The following ZRANB3 variants were observed in gnomAD, a reference collection of about 807,000 sequenced individuals.
ZRANB3 encodes DNA annealing helicase and endonuclease ZRANB3.
In ZRANB3, 125 loss-of-function variants were observed where a neutral mutation model predicts 133.8. That is an observed-to-expected ratio of 0.93 (90% confidence interval 0.81 to 1.08). The LOEUF (loss-of-function observed/expected upper bound fraction) is 1.08, where lower values mean the gene tolerates loss of function less well. Among genes scored for constraint, ZRANB3 ranks in the 50% least tolerant of loss-of-function variants. ZRANB3 has a pLI of 0.00. For missense variants in ZRANB3, 1,229 were observed against 1,275.5 expected, an observed-to-expected ratio of 0.96 and a Z score of 0.56; for synonymous variants, 387 against 432.7, an observed-to-expected ratio of 0.89 and a Z score of 1.31.
intron 8 of ZRANB3, among the ~76,000 whole-genome samples, chr2:135,295,837 A>T (rs1283257482): frequency 6.6e-6 from 1 of 152,128 alleles, no homozygotes; most frequent in Non-Finnish European, 1.5e-5. Flanking sequence ...TCACTTATGA[A>T]GCTCAGTTTG....
At chr2:135,297,775 T>C (rs1174076200) in intron 8 of ZRANB3, among the ~76,000 whole-genome samples, 1 of 152,254 alleles carries the variant, frequency 6.6e-6, no homozygotes, top group African/African-American at 2.4e-5. Context: ...GTCTTCGATC[T>C]CTGAAGTTCT....
intron 2 of ZRANB3, among the ~76,000 whole-genome samples, chr2:135,464,135 G>A (rs942570459): frequency 6.6e-6 from 1 of 152,128 alleles, no homozygotes; most frequent in Non-Finnish European, 1.5e-5. Flanking sequence ...AAACAAAATT[G>A]AGTTATCATC....
chr2:135,511,934 C>T, intron 1 of ZRANB3: 7 of 755,894 alleles, frequency 9.3e-6, no homozygotes, highest in South Asian at 5.5e-5. Context: ...CTAGCCTTCT[C>T]CATCACCATT....
chr2:135,367,033 T>C (rs1433896589), intron 3 of ZRANB3, among the ~76,000 whole-genome samples: 1 of 151,850 alleles, frequency 6.6e-6, no homozygotes, highest in Non-Finnish European at 1.5e-5. Context: ...AAAATAATAA[T>C]AATAATTTTT....
chr2:135,475,296 CTT>C (rs1691456922), intron 2 of ZRANB3, among the ~76,000 whole-genome samples: 2 of 152,194 alleles, frequency 1.3e-5, no homozygotes, highest in Non-Finnish European at 2.9e-5. Context: ...CCATTTATGT[CTT>C]CACTGCTAGA....
intron 6 of ZRANB3, among the ~76,000 whole-genome samples, chr2:135,322,584 G>C (rs1040623908): frequency 1.3e-5 from 2 of 152,028 alleles, no homozygotes; most frequent in Admixed American, 1.3e-4. Flanking sequence ...TGAGTGTGGT[G>C]TTGTGCTCCT....
chr2:135,476,809 T>G (rs975904742), intron 2 of ZRANB3, among the ~76,000 whole-genome samples: 6 of 151,628 alleles, frequency 4.0e-5, no homozygotes, highest in Non-Finnish European at 7.4e-5. Flanking sequence ...GCTCATGAGA[T>G]CCTTCCACAT....
At chr2:135,314,645 T>C (rs997141417) in intron 7 of ZRANB3, among the ~76,000 whole-genome samples, 2 of 152,180 alleles carry the variant, frequency 1.3e-5, no homozygotes, top group Non-Finnish European at 1.5e-5. Flanking sequence ...TAGGGCTGCA[T>C]GAAGTTTTTC....
At chr2:135,346,402 T>C (rs948533276) in intron 5 of ZRANB3, among the ~76,000 whole-genome samples, 18 of 152,214 alleles carry the variant, frequency 1.2e-4, no homozygotes, top group African/African-American at 3.6e-4. Context: ...GCCCAGCCTA[T>C]TTCTAGCTTT....
At chr2:135,210,273 T>G (rs1436086354) in intron 17 of ZRANB3, among the ~76,000 whole-genome samples, 2 of 152,236 alleles carry the variant, frequency 1.3e-5, no homozygotes, top group Non-Finnish European at 2.9e-5. Flanking sequence ...TATTTCCCTA[T>G]CTCTCAGAGA....
At chr2:135,505,709 T>C (rs2104824163) in intron 1 of ZRANB3, among the ~76,000 whole-genome samples, 1 of 152,322 alleles carries the variant, frequency 6.6e-6, no homozygotes, top group African/African-American at 2.4e-5. Context: ...TATTTATTTA[T>C]TAATAACAAA....
intron 2 of ZRANB3, among the ~76,000 whole-genome samples, chr2:135,476,341 A>G (rs1230628355): frequency 2.0e-5 from 3 of 152,212 alleles, no homozygotes; most frequent in African/African-American, 7.2e-5. Context: ...TTAAAATGAC[A>G]GAAGTATTTA....
intron 8 of ZRANB3, among the ~76,000 whole-genome samples, chr2:135,285,853 T>A (rs902067276): frequency 6.6e-6 from 1 of 152,206 alleles, no homozygotes; most frequent in Non-Finnish European, 1.5e-5. Context: ...TAGGAGAATA[T>A]TATGCTGATC....
chr2:135,385,487 A>T (rs183457278), intron 3 of ZRANB3, among the ~76,000 whole-genome samples: 29 of 151,436 alleles, frequency 1.9e-4, no homozygotes, highest in Middle Eastern at 3.4e-3. Context: ...ATTGGAAAAA[A>T]CTAAAGTTCA....
intron 3 of ZRANB3, among the ~76,000 whole-genome samples, chr2:135,363,277 C>G (rs1685769924): frequency 1.3e-5 from 2 of 152,142 alleles, no homozygotes; most frequent in African/African-American, 4.8e-5. Context: ...AAGTGATCTT[C>G]CTGCCTCAGC....
At chr2:135,221,287 T>C (rs1228832946) in intron 15 of ZRANB3, among the ~76,000 whole-genome samples, 3 of 152,158 alleles carry the variant, frequency 2.0e-5, no homozygotes, top group Non-Finnish European at 4.4e-5. Flanking sequence ...TAACATTTTA[T>C]GGTAAAGGGA....
intron 3 of ZRANB3, among the ~76,000 whole-genome samples, chr2:135,362,335 A>G (rs911586023): frequency 1.3e-5 from 2 of 152,168 alleles, no homozygotes; most frequent in South Asian, 2.1e-4. Context: ...AAGACAGAAG[A>G]GTCTATGCTT....
At chr2:135,506,083 C>T (rs542244415) in intron 1 of ZRANB3, among the ~76,000 whole-genome samples, 19 of 152,158 alleles carry the variant, frequency 1.2e-4, no homozygotes, top group African/African-American at 3.9e-4. Context: ...TTGGTGTTTT[C>T]GGAAAACAGA....
At chr2:135,387,735 G>GT (rs914118769) in intron 3 of ZRANB3, among the ~76,000 whole-genome samples, 1 of 152,024 alleles carries the variant, frequency 6.6e-6, no homozygotes, top group Non-Finnish European at 1.5e-5. Context: ...GAAGGTGGAA[G>GT]TTTTTTTTAA....
Sources: gnomAD v4.1 joint callset for allele counts (sites outside exome capture counted in the v4.1 genomes callset) on GRCh38, gnomAD v4.1.1 for gene constraint, MANE v1.5 for transcripts, NCBI Gene and HGNC (gene_info 2026-07-23, HGNC 2026-07-21) for gene names.